The following C4orf17 variants were observed in gnomAD, a reference collection of about 807,000 sequenced individuals.
C4orf17 encodes the protein uncharacterized protein C4orf17.
C4orf17 carries 25 observed loss-of-function variants against 32.0 expected under a neutral mutation model. The ratio of observed to expected loss-of-function variants is 0.78; its 90% CI spans 0.57 to 1.09. The LOEUF (loss-of-function observed/expected upper bound fraction) is 1.09, where lower values mean the gene tolerates loss of function less well. C4orf17 is among the 50% of genes least tolerant of loss of function. C4orf17 has a pLI of 0.00. For synonymous variants in C4orf17, 149 were observed against 145.8 expected (o/e 1.02, Z -0.16); for missense variants, 420 against 420.0 (o/e 1.00, Z 0.00).
intron 5 of C4orf17, among the ~76,000 whole-genome samples, chr4:99,531,122 GTT>G (rs71594553): frequency 6.6e-6 from 1 of 150,632 alleles, no homozygotes; most frequent in South Asian, 2.1e-4. Flanking sequence ...ATTACCCTTT[GTT>G]TTTTTTTGCA....
chr4:99,526,794 T>G (rs1355718091), intron 4 of C4orf17, among the ~76,000 whole-genome samples: 7 of 152,206 alleles, frequency 4.6e-5, no homozygotes, highest in Admixed American at 4.6e-4. Context: ...AAATATTCCT[T>G]TTATTATTTT....
chr4:99,533,199 G>A lies in C4orf17; in HGVS notation c.546+3241G>A, dbSNP rs1321829221. Among the ~76,000 whole-genome samples the A allele has an allele frequency of 1.1e-4, 17 of 152,186 alleles. No individual in the cohort carries two copies. The South Asian group carries it at 1.7e-3, about 15-fold the overall frequency. On this transcript the variant is annotated intron_variant, in intron 5 of 8. Coordinates refer to ENST00000326581, the MANE Select transcript of C4orf17 (RefSeq NM_032149.3). ...AATGATACTGAATTACTTTGTAAGC[G>A]TAAGAATTACATAGTTAGAACTGTA...
intron 4 of C4orf17, among the ~76,000 whole-genome samples, chr4:99,527,728 G>T (rs1275488237): frequency 6.6e-6 from 1 of 152,140 alleles, no homozygotes; most frequent in Non-Finnish European, 1.5e-5. Flanking sequence ...TGTGGTCCAG[G>T]GATTTGGGGA....
In C4orf17 at chr4:99,531,480, G is replaced by A. The variant is rs559050137; in HGVS notation, c.546+1522G>A. Reference sequence around the variant, plus strand: ...TCCTTGGGCATATCAATAGAACAGCGTGATCCTATAGAGCTGGCTTTCTGG... The same window carrying A: ...TCCTTGGGCATATCAATAGAACAGCATGATCCTATAGAGCTGGCTTTCTGG... On this transcript the variant is annotated intron_variant, in intron 5 of 8. Transcript: ENST00000326581. Among the ~76,000 whole-genome samples, 4 of 152,230 alleles carry A rather than the reference G, an allele frequency of 2.6e-5. No individual in the cohort carries two copies. In the East Asian group the frequency reaches 5.8e-4, roughly 22 times the overall value.
At chr4:99,531,350 G>C (rs1001269431) in intron 5 of C4orf17, among the ~76,000 whole-genome samples, 2 of 152,048 alleles carry the variant, frequency 1.3e-5, no homozygotes, top group Non-Finnish European at 2.9e-5. Flanking sequence ...AAAAGGAAAA[G>C]TGAACTCAAA....
chr4:99,533,904 T>C (rs1723517435), intron 5 of C4orf17, among the ~76,000 whole-genome samples: 1 of 152,212 alleles, frequency 6.6e-6, no homozygotes, highest in South Asian at 2.1e-4. Context: ...TCTCAAATCC[T>C]AAAATAAAAT....
intron 5 of C4orf17, among the ~76,000 whole-genome samples, chr4:99,532,671 T>C (rs1474381992): frequency 6.6e-6 from 1 of 152,178 alleles, no homozygotes; most frequent in African/African-American, 2.4e-5. Context: ...ATAACAAACA[T>C]GCACATGTAC....
intron 2 of C4orf17, among the ~76,000 whole-genome samples, chr4:99,518,750 T>G (rs1723239041): frequency 6.8e-6 from 1 of 148,126 alleles, no homozygotes; most frequent in African/African-American, 2.6e-5. Flanking sequence ...TATGCCACAG[T>G]GGACTTGTCT....
chr4:99,533,742 C>T (rs1028564887), intron 5 of C4orf17, among the ~76,000 whole-genome samples: 2 of 152,086 alleles, frequency 1.3e-5, no homozygotes, highest in African/African-American at 4.8e-5. Context: ...GGAGGTATCA[C>T]AGAGCTTAGA....
At chr4:99,529,237 T>C (rs906076343) in intron 4 of C4orf17, among the ~76,000 whole-genome samples, 4 of 152,208 alleles carry the variant, frequency 2.6e-5, no homozygotes, top group African/African-American at 7.2e-5. Flanking sequence ...TAACTCTTCA[T>C]GGACTTAAAA....
chr4:99,538,520 C>A (rs1723595843), intron 6 of C4orf17, among the ~76,000 whole-genome samples: 1 of 152,194 alleles, frequency 6.6e-6, no homozygotes, highest in South Asian at 2.1e-4. Flanking sequence ...GAAATATTAC[C>A]TTTCCCCAGG....
chr4:99,522,479 T>C lies in C4orf17; in HGVS notation c.128-21T>C, dbSNP rs764158921. 1.5e-5 allele frequency: 24 copies of C among 1,593,166 alleles called. No homozygotes were observed. In the East Asian group the frequency reaches 5.4e-4, roughly 36 times the overall value. ...ATCTGGTTGCTTGATCTGTCTCTTT[T>C]TTTAATCTTTACTCACCTAGGCTTG... On this transcript the variant is annotated intron_variant, in intron 2 of 8. Coordinates refer to ENST00000326581, the MANE Select transcript of C4orf17 (RefSeq NM_032149.3).
chr4:99,538,343 G>C (rs958030751), intron 6 of C4orf17, among the ~76,000 whole-genome samples: 23 of 152,164 alleles, frequency 1.5e-4, no homozygotes, highest in African/African-American at 5.5e-4. Context: ...GACTGACTGA[G>C]GCAAAATCTC....
chr4:99,531,026 T>G (rs965561141), intron 5 of C4orf17, among the ~76,000 whole-genome samples: 1 of 152,072 alleles, frequency 6.6e-6, no homozygotes, highest in Non-Finnish European at 1.5e-5. Flanking sequence ...ACCTGCTCAT[T>G]AAGGTCTCAG....
chr4:99,527,775 C>G (rs893285952), intron 4 of C4orf17, among the ~76,000 whole-genome samples: 1 of 152,162 alleles, frequency 6.6e-6, no homozygotes, highest in African/African-American at 2.4e-5. Context: ...GCTACTTTTT[C>G]TGCCAATTAT....
At position 99,542,009 on chromosome 4, in the gene C4orf17, C is replaced by G. The variant is rs371476916; in HGVS notation, c.980C>G (p.Thr327Ser). 1.1e-4 allele frequency: 170 copies of G among 1,613,838 alleles called. No homozygotes were observed. Among genetic ancestry groups the G allele is most frequent in the Non-Finnish European group, 1.4e-4 (160 of 1,179,854 alleles). The change falls in exon 9 of 9, where the codon ACT becomes AGT. Residue 327 changes from threonine (T) to serine (S), a missense_variant. Thr to Ser is a moderately conservative substitution (Grantham distance 58, BLOSUM62 1). Coordinates refer to ENST00000326581, the MANE Select transcript of C4orf17 (RefSeq NM_032149.3). ...SKPNSPPRPN[T>S]QESGSAKPVS... The stretch of plus-strand genomic sequence containing the variant: ...CCAAATTCTCCTCCCAGGCCTAACA[C>G]TCAGGAGAGTGGATCAGCAAAACCA...
At chr4:99,516,433 A>G (rs1346530175) in intron 2 of C4orf17, among the ~76,000 whole-genome samples, 1 of 152,210 alleles carries the variant, frequency 6.6e-6, no homozygotes, top group African/African-American at 2.4e-5. Flanking sequence ...ATGATATTTA[A>G]AGGCATGAAT....
At position 99,539,397 on chromosome 4, in the gene C4orf17, G is replaced by A. The variant is rs180800316; in HGVS notation, c.836+27G>A. ...TAATTAGATATAATGGCCCCCTAGA[G>A]GGAGGGCCTATGGCACATGAAGACT... On this transcript the variant is annotated intron_variant, in intron 7 of 8. Transcript: ENST00000326581. 3.0e-5 allele frequency: 46 copies of A among 1,542,960 alleles called. No homozygotes were observed. The East Asian group carries it at 7.2e-4, about 24-fold the overall frequency.
chr4:99,537,646 G>A lies in C4orf17; in HGVS notation c.547-23G>A, dbSNP rs370377299. 1,363 of 1,562,848 alleles carry A rather than the reference G, an allele frequency of 8.7e-4. 23 individuals are homozygous for A. In the South Asian group the frequency reaches 0.012, roughly 14 times the overall value. ...CCTTGTACTATTTATTTGCTCATAT[G>A]TAACTCTAATGTTCTCTGTCAGATC... On this transcript the variant is annotated intron_variant, in intron 5 of 8. Transcript: ENST00000326581.
Sources: allele counts gnomAD v4.1 joint callset (sites outside exome capture counted in the v4.1 genomes callset), GRCh38; gene constraint gnomAD v4.1.1; transcripts MANE v1.5; gene names NCBI Gene and HGNC (gene_info 2026-07-23, HGNC 2026-07-21).